The following KCNIP4 variants were observed in gnomAD, a reference collection of about 807,000 sequenced individuals.
KCNIP4 encodes potassium voltage-gated channel interacting protein 4, also known as Kv channel-interacting protein 4.
In KCNIP4, 12 loss-of-function variants were observed where a neutral mutation model predicts 34.0. That is an observed-to-expected ratio of 0.35 (90% CI 0.23 to 0.57). KCNIP4 has a LOEUF of 0.57. Ranked by LOEUF, KCNIP4 falls within the 20% of genes least tolerant of loss-of-function variation. The pLI is 0.83. For synonymous variants in KCNIP4, 124 were observed against 102.2 expected (o/e 1.21, Z -1.29); for missense variants, 238 against 311.7 (o/e 0.76, Z 1.78).
chr4:21,927,634 C>T (rs1394488645), intron 1 of KCNIP4, among the ~76,000 whole-genome samples: 3 of 152,138 alleles, frequency 2.0e-5, no homozygotes, highest in Non-Finnish European at 2.9e-5. Context: ...ATTTATCATG[C>T]TGTGGCTAGA....
intron 1 of KCNIP4, among the ~76,000 whole-genome samples, chr4:21,576,506 C>T (rs537785664): frequency 3.3e-5 from 5 of 152,228 alleles, no homozygotes; most frequent in Admixed American, 3.3e-4. Flanking sequence ...TTAGACCTCG[C>T]TTGCATACTG....
intron 1 of KCNIP4, among the ~76,000 whole-genome samples, chr4:21,456,699 C>A (rs1210284580): frequency 1.4e-5 from 2 of 147,674 alleles, no homozygotes; most frequent in Non-Finnish European, 2.9e-5. Context: ...GGTCAGCTAG[C>A]CTGATCCAGC....
At chr4:21,027,500 A>G (rs1273474515) in intron 1 of KCNIP4, among the ~76,000 whole-genome samples, 1 of 151,600 alleles carries the variant, frequency 6.6e-6, no homozygotes, top group Non-Finnish European at 1.5e-5. Flanking sequence ...CTCTTCTTTG[A>G]CAGTGATAAT....
rs993228943 is a variant in KCNIP4 at position 20,731,728 on chromosome 4, A to G, written c.705+278T>C. The G allele has an allele frequency of 6.1e-6, 6 of 985,280 alleles. No individual in the cohort carries two copies. In the African/African-American group the frequency reaches 8.7e-5, roughly 14 times the overall value. 61.0% of individuals were successfully genotyped at this position (985,280 alleles called of 1,614,324 possible). A position where few individuals can be genotyped will look rare whatever the true frequency, so the allele number is the denominator to read the frequency against. On this transcript the variant is annotated intron_variant, in intron 8 of 8. Coordinates refer to ENST00000382152, the MANE Select transcript of KCNIP4 (RefSeq NM_025221.6). Reference sequence around the variant, plus strand: ...AAATCTCATGTATGTTTTATCCTCCATGAATACTCTCTAAGGAATTTGGGA... The same window carrying G: ...AAATCTCATGTATGTTTTATCCTCCGTGAATACTCTCTAAGGAATTTGGGA...
At chr4:21,895,238 G>A (rs1279928198) in intron 1 of KCNIP4, among the ~76,000 whole-genome samples, 1 of 152,158 alleles carries the variant, frequency 6.6e-6, no homozygotes, top group Admixed American at 6.6e-5. Context: ...GGTCTAGAAA[G>A]ATGAGCTTAC....
intron 8 of KCNIP4, among the ~76,000 whole-genome samples, chr4:20,730,651 A>G (rs962314029): frequency 6.6e-6 from 1 of 152,204 alleles, no homozygotes; most frequent in African/African-American, 2.4e-5. Context: ...AGTTATGGCT[A>G]AAGCTGCATG....
At chr4:20,781,829 A>C (rs570817762) in intron 3 of KCNIP4, among the ~76,000 whole-genome samples, 1 of 152,242 alleles carries the variant, frequency 6.6e-6, no homozygotes, top group South Asian at 2.1e-4. Flanking sequence ...CCTTCCTAAC[A>C]GTCCCCCAAA....
chr4:20,944,612 C>A (rs1272673493), intron 1 of KCNIP4, among the ~76,000 whole-genome samples: 4 of 152,208 alleles, frequency 2.6e-5, no homozygotes, highest in Admixed American at 1.3e-4. Flanking sequence ...CTGCACTCAT[C>A]ATGGCAGAGA....
chr4:20,772,214 C>T lies in KCNIP4; in HGVS notation c.289-13324G>A, dbSNP rs189489049. On this transcript the variant is annotated intron_variant, in intron 3 of 8. Coordinates refer to ENST00000382152, the MANE Select transcript of KCNIP4 (RefSeq NM_025221.6). ...TAAGCTTGAAAGGTGAGTGCACCTG[C>T]GGGGGGAAAAGTTAACTAAGGGGTA... 2.0e-5 allele frequency among the ~76,000 whole-genome samples: 3 copies of T among 152,178 alleles called. No homozygotes were observed. In the East Asian group the frequency reaches 5.8e-4, roughly 29 times the overall value.
chr4:21,924,049 C>A (rs1241538476), intron 1 of KCNIP4, among the ~76,000 whole-genome samples: 1 of 152,050 alleles, frequency 6.6e-6, no homozygotes, highest in Admixed American at 6.5e-5. Context: ...CAATGCAAAT[C>A]CTTTTACACT....
Position 21,675,689 on chromosome 4 carries a change from T to C in KCNIP4, c.61+272882A>G, listed in dbSNP as rs140652556. On this transcript the variant is annotated intron_variant, in intron 1 of 8. Transcript: ENST00000382152. Reference sequence around the variant, plus strand: ...TTGCCTTGCTGAAGGTTGAGTTTCATATGTTTTCTCTTATGAAAAGTAGAG... The same window carrying C: ...TTGCCTTGCTGAAGGTTGAGTTTCACATGTTTTCTCTTATGAAAAGTAGAG... Among the ~76,000 whole-genome samples, 404 of 152,320 alleles carry C rather than the reference T, an allele frequency of 2.7e-3. 1 individual carries two copies. Among genetic ancestry groups the C allele is most frequent in the African/African-American group, 7.8e-3 (323 of 41,568 alleles).
chr4:21,618,177 G>C (rs747037614), intron 1 of KCNIP4, among the ~76,000 whole-genome samples: 1 of 152,056 alleles, frequency 6.6e-6, no homozygotes, highest in Non-Finnish European at 1.5e-5. Flanking sequence ...AATACTCAGA[G>C]GTAATTTTTG....
chr4:20,781,312 T>C lies in KCNIP4; in HGVS notation c.289-22422A>G, dbSNP rs73112223. On this transcript the variant is annotated intron_variant, in intron 3 of 8. Transcript: ENST00000382152. Reference sequence around the variant, plus strand: ...ATTCACTAGATCTCTATTAAATCCCTACTGTAAGCCAGGTACAAATAAATG... The same window carrying C: ...ATTCACTAGATCTCTATTAAATCCCCACTGTAAGCCAGGTACAAATAAATG... 8.5e-3 allele frequency among the ~76,000 whole-genome samples: 1,288 copies of C among 152,340 alleles called. 9 individuals carry two copies. Among genetic ancestry groups the C allele is most frequent in the African/African-American group, 0.029 (1,211 of 41,576 alleles).
chr4:21,879,136 A>C (rs990021270), intron 1 of KCNIP4, among the ~76,000 whole-genome samples: 3 of 152,130 alleles, frequency 2.0e-5, no homozygotes, highest in Non-Finnish European at 4.4e-5. Context: ...ATATTGCAAA[A>C]TGAAAATATG....
At chr4:20,737,245 G>A (rs561568074) in intron 5 of KCNIP4, among the ~76,000 whole-genome samples, 1 of 152,252 alleles carries the variant, frequency 6.6e-6, no homozygotes, top group East Asian at 1.9e-4. Context: ...AGTTGCTAAA[G>A]AAGTGAGTCA....
At chr4:21,326,545 G>C (rs1327791768) in intron 1 of KCNIP4, among the ~76,000 whole-genome samples, 1 of 151,004 alleles carries the variant, frequency 6.6e-6, no homozygotes, top group Non-Finnish European at 1.5e-5. Context: ...GTAGACAACA[G>C]ATCATTGGGT....
At chr4:21,546,483 T>C (rs1738163029) in intron 1 of KCNIP4, among the ~76,000 whole-genome samples, 1 of 152,132 alleles carries the variant, frequency 6.6e-6, no homozygotes, top group Non-Finnish European at 1.5e-5. Context: ...AGAAACTAAC[T>C]TGCCATGAAC....
intron 1 of KCNIP4, among the ~76,000 whole-genome samples, chr4:20,921,879 A>G (rs1729419437): frequency 6.6e-6 from 1 of 152,242 alleles, no homozygotes; most frequent in Non-Finnish European, 1.5e-5. Context: ...TATATTTGTC[A>G]TGAGGCCATT....
At chr4:21,516,340 A>C (rs1734755695) in intron 1 of KCNIP4, among the ~76,000 whole-genome samples, 1 of 152,190 alleles carries the variant, frequency 6.6e-6, no homozygotes, top group African/African-American at 2.4e-5. Flanking sequence ...GTCATCTAAA[A>C]TCTAGGTCAG....
Sources: allele counts gnomAD v4.1 joint callset (sites outside exome capture counted in the v4.1 genomes callset), GRCh38; gene constraint gnomAD v4.1.1; transcripts MANE v1.5; gene names NCBI Gene and HGNC (gene_info 2026-07-23, HGNC 2026-07-21).